Variants in NR4A1 observed in about 807,000 individuals in gnomAD.
The protein encoded by NR4A1 is nuclear receptor subfamily 4immunitygroup A member 1.
NR4A1 carries 24 observed loss-of-function variants against 47.5 expected under a neutral mutation model. That is an observed-to-expected ratio of 0.50 (90% CI 0.37 to 0.71). The LOEUF (loss-of-function observed/expected upper bound fraction) is 0.71, where lower values mean the gene tolerates loss of function less well. NR4A1 is among the 30% of genes least tolerant of loss of function. NR4A1 has a pLI of 0.00. For missense variants in NR4A1, 669 were observed against 788.6 expected, an observed-to-expected ratio of 0.85 and a Z score of 1.82; for synonymous variants, 353 against 345.7, an observed-to-expected ratio of 1.02 and a Z score of -0.24.
In NR4A1 at chr12:52,052,440, C is replaced by T. The variant is rs150427248; in HGVS notation, c.-3+872C>T. 4,191 of 979,698 alleles carry T rather than the reference C, an allele frequency of 4.3e-3. 17 individuals carry two copies. The highest frequency in any genetic ancestry group is 5.3e-3 in the Middle Eastern group (10 of 1,904). 60.7% of individuals were successfully genotyped at this position (979,698 alleles called of 1,614,324 possible). On this transcript the variant is annotated intron_variant, in intron 1 of 6. Transcript: ENST00000394825. ...GGATACCTCCCAACCATTCCAGCTC[C>T]AGATGCTGATCATCCCTATGCCCCC...
upstream of NR4A1, among the ~76,000 whole-genome samples, chr12:52,050,964 GCGCGGTTGGCT>G (rs373817979): frequency 6.1e-4 from 93 of 152,232 alleles, no homozygotes; most frequent in African/African-American, 2.2e-3. Context: ...GAGGGACCGG[GCGCGGTTGGCT>G]CCCGGGAGCA....
chr12:52,044,515 C>CGT (rs774241421), intron 2 of NR4A1, among the ~76,000 whole-genome samples: 20 of 152,208 alleles, frequency 1.3e-4, no homozygotes, highest in Non-Finnish European at 2.5e-4. Flanking sequence ...CAGCTCCTTA[C>CGT]GTGGGAGGCT....
At chr12:52,057,560 G>C (rs2120533552) in intron 6 of NR4A1, 30 bp downstream of exon 6, 4 of 1,611,384 alleles carry the variant, frequency 2.5e-6, no homozygotes, top group East Asian at 4.5e-5. Flanking sequence ...CCAGGTCCAA[G>C]GGAATGGGCG....
In NR4A1 at chr12:52,054,561, GCTCCTCAGCCTC is replaced by G; in HGVS notation, c.240_251del (p.Ser84_Ser87del). 1.2e-6 allele frequency: 2 copies of G among 1,614,090 alleles called. No homozygotes were observed. The highest frequency in any genetic ancestry group is 1.1e-5 in the South Asian group (1 of 91,086). On this transcript the variant is annotated inframe_deletion, in exon 2 of 7. Coordinates refer to ENST00000394825, the MANE Select transcript of NR4A1 (RefSeq NM_173157.3). ...CAGCTGCCAGGAACAGTCCAGCCAT[GCTCCTCAGCCTC>G]CTCCTCGGCCTCCTCCACATCCTCG...
intron 2 of NR4A1, among the ~76,000 whole-genome samples, chr12:52,045,152 TCTCA>T: frequency 6.6e-6 from 1 of 152,312 alleles, no homozygotes; most frequent in South Asian, 2.1e-4. Context: ...TCTCTTTTCC[TCTCA>T]CTCAGCCCAG....
At chr12:52,041,740 G>T (rs1592287643) in intron 1 of NR4A1, 2 of 1,254,624 alleles carry the variant, frequency 1.6e-6, no homozygotes, top group East Asian at 6.2e-5. Context: ...GCGTGTCCTG[G>T]GCATGCTGTC....
intron 1 of NR4A1, among the ~76,000 whole-genome samples, chr12:52,051,789 G>GGGGGTT (rs991065520): frequency 6.6e-5 from 10 of 152,268 alleles, no homozygotes; most frequent in African/African-American, 1.9e-4. Flanking sequence ...GGAAGCTGTA[G>GGGGGTT]GGGGTTGGGG....
At chr12:52,031,963 A>G (rs1426928507) in intron 1 of NR4A1, among the ~76,000 whole-genome samples, 1 of 151,670 alleles carries the variant, frequency 6.6e-6, no homozygotes, top group Non-Finnish European at 1.5e-5. Context: ...CGCCCAGCTA[A>G]TTTTGTATTT....
chr12:52,047,857 A>G (rs912176955), upstream of NR4A1, among the ~76,000 whole-genome samples: 47 of 152,252 alleles, frequency 3.1e-4, no homozygotes, highest in African/African-American at 1.1e-3. Context: ...CAACTCTCAA[A>G]GAGCTAGCAA....
rs1456204789 is a variant in NR4A1 at position 52,036,325 on chromosome 12, G to A, written c.-83-5485G>A. Among the ~76,000 whole-genome samples, 8 of 152,188 alleles carry A rather than the reference G, an allele frequency of 5.3e-5. No individual in the cohort carries two copies. The East Asian group carries it at 1.5e-3, about 29-fold the overall frequency. The stretch of plus-strand genomic sequence containing the variant: ...GCCTGAAGACTCTGGTCAGAGGAGG[G>A]TGGGCTTCCCAGGGCTTCCTGGTCA... On this transcript the variant is annotated intron_variant, in intron 1 of 7. Coordinates refer to the NR4A1 transcript ENST00000360284.
upstream of NR4A1, among the ~76,000 whole-genome samples, chr12:52,047,210 T>TTG: frequency 6.6e-6 from 1 of 152,330 alleles, no homozygotes; most frequent in Admixed American, 6.5e-5. Context: ...GACCTTGTTC[T>TTG]TGAAGGTTAG....
rs768836755 is a variant in NR4A1 at position 52,056,025 on chromosome 12, C to A, written c.877-5C>A. On this transcript the variant is annotated splice_polypyrimidine_tract_variant and splice_region_variant and intron_variant, in intron 2 of 6. Transcript: ENST00000394825. The stretch of plus-strand genomic sequence containing the variant: ...CAGCTTGTTCCGTGTTGCCCCCCCA[C>A]CCAGCGCACAGTGCAGAAAAACGCC... 6 of 1,523,016 alleles carry A rather than the reference C, an allele frequency of 3.9e-6. No individual in the cohort carries two copies. The highest frequency in any genetic ancestry group is 5.3e-6 in the Non-Finnish European group (6 of 1,134,174). The allele number at this position is 1,523,016 out of a possible 1,614,324, so 94.3% of individuals were successfully genotyped here.
At chr12:52,046,149 C>T (rs560640543) in intron 2 of NR4A1, among the ~76,000 whole-genome samples, 1 of 152,286 alleles carries the variant, frequency 6.6e-6, no homozygotes, top group South Asian at 2.1e-4. Flanking sequence ...GGGGTGGGGC[C>T]CAGCCCAAGG....
chr12:52,038,157 C>T (rs2120951176), intron 1 of NR4A1: 1 of 790,386 alleles, frequency 1.3e-6, no homozygotes, highest in Non-Finnish European at 1.5e-6. Context: ...CTCCGTCTCC[C>T]GGGTTCAAGC....
chr12:52,058,381 A>C, intron 6 of NR4A1: 1 of 388,168 alleles, frequency 2.6e-6, no homozygotes. Context: ...AGAACAGTCT[A>C]GATTTTAAAA....
chr12:52,056,448 C>T, intron 3 of NR4A1, 46 bp from the exon 4 acceptor site: 1 of 1,596,556 alleles, frequency 6.3e-7, no homozygotes, highest in Non-Finnish European at 8.5e-7. Flanking sequence ...CTGAGAGGCC[C>T]TTCCTCAGAT....
rs1177879148 is a variant in NR4A1, at chr12:52,058,678, C to G, written c.1541-10C>G. 9.4e-6 allele frequency: 15 copies of G among 1,588,886 alleles called. No homozygotes were observed. The highest frequency in any genetic ancestry group is 1.2e-5 in the Non-Finnish European group (14 of 1,168,386). Reference sequence around the variant, plus strand: ...TCAGATGTACAGCTAATCCTGTACCCTTCCCGCAGACCGGCATGGGCTGCA... The same window carrying G: ...TCAGATGTACAGCTAATCCTGTACCGTTCCCGCAGACCGGCATGGGCTGCA... On this transcript the variant is annotated splice_polypyrimidine_tract_variant and intron_variant, in intron 6 of 6. Coordinates refer to ENST00000394825, the MANE Select transcript of NR4A1 (RefSeq NM_173157.3).
intron 1 of NR4A1, among the ~76,000 whole-genome samples, chr12:52,030,742 A>G (rs1383844077): frequency 2.0e-5 from 3 of 152,076 alleles, no homozygotes; most frequent in African/African-American, 7.2e-5. Context: ...TTAACCTTTT[A>G]GAGCCTCAGT....
chr12:52,025,538 C>T (rs1035582638), intron 1 of NR4A1, among the ~76,000 whole-genome samples: 2 of 152,198 alleles, frequency 1.3e-5, no homozygotes, highest in African/African-American at 2.4e-5. Flanking sequence ...TCGCAGAAGC[C>T]GTCTCTGGCC....
Sources: allele counts gnomAD v4.1 joint callset (sites outside exome capture counted in the v4.1 genomes callset), GRCh38; gene constraint gnomAD v4.1.1; transcripts MANE v1.5; gene names NCBI Gene and HGNC (gene_info 2026-07-23, HGNC 2026-07-21).